AKAP9: variants seen among roughly 807,000 people sequenced by gnomAD.
AKAP9 encodes the protein A-kinase anchoring protein 9.
A neutral mutation model predicts 488.5 loss-of-function variants in AKAP9; 311 were observed. The ratio of observed to expected loss-of-function variants is 0.64; its 90% CI spans 0.58 to 0.70. The LOEUF is 0.70. AKAP9 is among the 30% of genes least tolerant of loss of function. The pLI, the probability that AKAP9 is intolerant of heterozygous loss-of-function variation, is 0.00. For missense variants in AKAP9, 4,215 were observed against 4,374.5 expected (o/e 0.96, Z 1.03); for synonymous variants, 1,462 against 1,483.5 (o/e 0.99, Z 0.33).
intron 14 of AKAP9, among the ~76,000 whole-genome samples, chr7:92,026,099 GA>G (rs1043989297): frequency 6.6e-6 from 1 of 152,058 alleles, no homozygotes; most frequent in African/African-American, 2.4e-5. Context: ...AAGCAGAGGG[GA>G]AAAAACAAAG....
intron 1 of AKAP9, among the ~76,000 whole-genome samples, chr7:91,941,906 G>GTGTGTGTC (rs1450501119): frequency 6.6e-6 from 1 of 151,928 alleles, no homozygotes; most frequent in East Asian, 1.9e-4. Flanking sequence ...GTGTGTGTGT[G>GTGTGTGTC]TGTGTGAACG....
In AKAP9 at chr7:92,108,595, T is replaced by C; in HGVS notation, c.11648T>C (p.Leu3883Pro). 1.9e-6 allele frequency: 3 copies of C among 1,614,188 alleles called. No individual in the cohort carries two copies. The highest frequency in any genetic ancestry group is 2.5e-6 in the Non-Finnish European group (3 of 1,180,024). Residue 3883 changes from leucine to proline, a missense_variant, in exon 49 of 50, where the codon CTA becomes CCA. Leu to Pro is a moderately conservative substitution (Grantham distance 98, BLOSUM62 -3). Transcript: ENST00000356239. ...DRALTDYITR[L>P]EALQRRLGTI... ...GCCCTAACAGATTATATCACTCGGCTAGAGGCACTGCAAAGACGACTTGGA... is the reference window on the plus strand; with the variant it reads ...GCCCTAACAGATTATATCACTCGGCCAGAGGCACTGCAAAGACGACTTGGA...
intron 8 of AKAP9, among the ~76,000 whole-genome samples, chr7:92,005,002 AATTT>A (rs1289677899): frequency 6.6e-6 from 1 of 152,036 alleles, no homozygotes; most frequent in Non-Finnish European, 1.5e-5. Flanking sequence ...ATCAGTACCT[AATTT>A]ATTGAGAGTT....
At chr7:92,031,252 A>G (rs1804187201) in intron 15 of AKAP9, among the ~76,000 whole-genome samples, 1 of 152,192 alleles carries the variant, frequency 6.6e-6, no homozygotes, top group Non-Finnish European at 1.5e-5. Flanking sequence ...TTCCCACTCT[A>G]GAACTGTATG....
chr7:92,017,749 T>C (rs1203833477), intron 12 of AKAP9, among the ~76,000 whole-genome samples: 33 of 152,196 alleles, frequency 2.2e-4, no homozygotes, highest in Admixed American at 2.2e-3. Flanking sequence ...ATAATGTTGA[T>C]GATTTATGTT....
At chr7:92,098,512 C>G (rs1817016114) in intron 43 of AKAP9, among the ~76,000 whole-genome samples, 1 of 152,132 alleles carries the variant, frequency 6.6e-6, no homozygotes, top group Non-Finnish European at 1.5e-5. Context: ...CATGAAACAC[C>G]CTTAGACTCC....
rs564415219 is a variant in AKAP9, at chr7:92,078,863, G to A, written c.6946-216G>A. Among the ~76,000 whole-genome samples, 5 of 152,150 alleles carry A rather than the reference G, an allele frequency of 3.3e-5. No individual in the cohort carries two copies. The South Asian group carries it at 8.3e-4, about 25-fold the overall frequency. ...CCTAATAGGGAATCAGCAACTAAAA[G>A]CTTATATTACTTTATACTTAACAGA... On this transcript the variant is annotated intron_variant, in intron 30 of 49. Transcript: ENST00000356239.
Position 92,110,237 on chromosome 7 carries a change from A to G in AKAP9, c.*78A>G, listed in dbSNP as rs1220095095. The G allele has an allele frequency of 8.6e-7, 1 of 1,156,844 alleles. No individual in the cohort carries two copies. Among genetic ancestry groups the G allele is most frequent in the African/African-American group, 1.5e-5 (1 of 65,986 alleles). The allele number at this position is 1,156,844 out of a possible 1,614,324, so 71.7% of individuals were successfully genotyped here. A position where few individuals can be genotyped will look rare whatever the true frequency, so the allele number is the denominator to read the frequency against. ...ATCAATGGTTCTTTTGTGCTTTTGT[A>G]TTGTGAATATTCAATGGGACCAATA... On this transcript the variant is annotated 3_prime_UTR_variant, in exon 50 of 50. Transcript: ENST00000356239.
At chr7:92,051,148 A>G (rs899888914) in intron 21 of AKAP9, among the ~76,000 whole-genome samples, 2 of 152,180 alleles carry the variant, frequency 1.3e-5, no homozygotes, top group Admixed American at 1.3e-4. Flanking sequence ...AATCCAGCTT[A>G]CTTTCCAGCT....
At position 92,008,412 on chromosome 7, in the gene AKAP9, G is replaced by T. The variant is rs570684924; in HGVS notation, c.3319-4017G>T. On this transcript the variant is annotated intron_variant, in intron 8 of 49. Transcript: ENST00000356239. The stretch of plus-strand genomic sequence containing the variant: ...GACTTTCAAGAATATGGGCCAGCGG[G>T]CGTGGTGGCTCATGCCTGTAATCCC... Among the ~76,000 whole-genome samples, 6 of 149,946 alleles carry T rather than the reference G, an allele frequency of 4.0e-5. No homozygotes were observed. In the South Asian group the frequency reaches 1.3e-3, roughly 32 times the overall value.
Position 92,095,178 on chromosome 7 carries a change from TG to T in AKAP9, c.9729+6del. On this transcript the variant is annotated splice_donor_region_variant and intron_variant, in intron 40 of 49. Transcript: ENST00000356239. ...CGGGATAAAGAAGAACTTGAGGTAC[TG>T]TTATCTTTGTCTTTAAATGTCTGGA... 6.2e-7 allele frequency: 1 copy of T among 1,614,156 alleles called. No individual in the cohort carries two copies. Among genetic ancestry groups the T allele is most frequent in the Non-Finnish European group, 8.5e-7 (1 of 1,180,012 alleles).
intron 17 of AKAP9, 62 bp from the exon 18 acceptor site, chr7:92,040,612 G>T: frequency 8.2e-7 from 1 of 1,220,640 alleles, no homozygotes; most frequent in South Asian, 1.4e-5. Flanking sequence ...TATTAATGCT[G>T]ACAGATTTTT....
At chr7:92,067,650 C>A (rs1173296008) in intron 26 of AKAP9, among the ~76,000 whole-genome samples, 1 of 152,158 alleles carries the variant, frequency 6.6e-6, no homozygotes, top group African/African-American at 2.4e-5. Flanking sequence ...GAAACATAGT[C>A]AAAACTCCAC....
At position 92,031,568 on chromosome 7, in the gene AKAP9, A is replaced by C; in HGVS notation, c.4302A>C (p.Lys1434Asn). ...CAAATATCGTTAAGTTGCTTGAAAAACAATACCAAGAACAATTAGAAGAAG... is the reference window on the plus strand; with the variant it reads ...CAAATATCGTTAAGTTGCTTGAAAACCAATACCAAGAACAATTAGAAGAAG... ...EETNIVKLLE[K>N]QYQEQLEEEV... Residue 1434 changes from lysine (K) to asparagine (N), a missense_variant, in exon 16 of 50, where the codon AAA becomes AAC. By Grantham distance (94) the Lys-to-Asn change is moderately conservative. Transcript: ENST00000356239. 14 of 1,612,520 alleles carry C rather than the reference A, an allele frequency of 8.7e-6. No individual in the cohort carries two copies. The highest frequency in any genetic ancestry group is 1.2e-5 in the Non-Finnish European group (14 of 1,178,918).
intron 28 of AKAP9, among the ~76,000 whole-genome samples, chr7:92,074,104 T>A (rs1229989245): frequency 1.3e-5 from 2 of 151,914 alleles, no homozygotes; most frequent in Admixed American, 6.6e-5. Flanking sequence ...TGGGAGAAAA[T>A]TTTTGCAATC....
At position 92,093,433 on chromosome 7, in the gene AKAP9, T is replaced by G. The variant is rs1041968470; in HGVS notation, c.9578+117T>G. Reference sequence around the variant, plus strand: ...ATGATATTTAAATAGCATGCAACTGTTTTTTTTAGGAAAAACTATAATAGA... The same window carrying G: ...ATGATATTTAAATAGCATGCAACTGGTTTTTTTAGGAAAAACTATAATAGA... On this transcript the variant is annotated intron_variant, in intron 39 of 49. Transcript: ENST00000356239. 85 of 874,972 alleles carry G rather than the reference T, an allele frequency of 9.7e-5. 1 individual carries two copies. In the East Asian group the frequency reaches 2.2e-3, roughly 23 times the overall value. The allele number at this position is 874,972 out of a possible 1,614,324, so 54.2% of individuals were successfully genotyped here.
In AKAP9 at chr7:91,980,495, C is replaced by CTTTTTTTTTTTTT. The variant is rs60385804; in HGVS notation, c.351+173_351+185dup. Among the ~76,000 whole-genome samples the CTTTTTTTTTTTTT allele has an allele frequency of 8.2e-5, 4 of 48,768 alleles. 1 individual carries two copies. The highest frequency in any genetic ancestry group is 9.9e-5 in the Non-Finnish European group (3 of 30,218). The allele number at this position is 48,768 out of a possible 152,430, so 32.0% of individuals were successfully genotyped here. A position where few individuals can be genotyped will look rare whatever the true frequency, so the allele number is the denominator to read the frequency against. ...GAACCTGAGGATTATGTATTACTGACTTTTTTTTTTTTTTTTTTTTTTTCA... is the reference window on the plus strand; with the variant it reads ...GAACCTGAGGATTATGTATTACTGACTTTTTTTTTTTTTTTTTTTTTTTTTTTTTTTTTTTTCA... On this transcript the variant is annotated intron_variant, in intron 3 of 49. Transcript: ENST00000356239.
Position 92,102,162 on chromosome 7 carries a change from T to TAAA in AKAP9, c.11098-432_11098-431insAAA, listed in dbSNP as rs1563150363. On this transcript the variant is annotated intron_variant, in intron 45 of 49. Transcript: ENST00000356239. ...CAGAGTGAGACTCCGTCTCATAAAT[T>TAAA]TAAAAAAAAAATAAATAAATAAATA... Among the ~76,000 whole-genome samples the TAAA allele has an allele frequency of 7.9e-3, 1,019 of 129,684 alleles. 5 individuals are homozygous for TAAA. The highest frequency in any genetic ancestry group is 0.013 in the South Asian group (55 of 4,156). The allele number at this position is 129,684 out of a possible 152,430, so 85.1% of individuals were successfully genotyped here.
intron 1 of AKAP9, among the ~76,000 whole-genome samples, chr7:91,961,760 C>T (rs547317784): frequency 5.9e-5 from 9 of 151,692 alleles, no homozygotes; most frequent in Non-Finnish European, 8.8e-5. Context: ...AGGAGAATGG[C>T]GTGAACTGGG....
Sources: allele counts gnomAD v4.1 joint callset (sites outside exome capture counted in the v4.1 genomes callset), GRCh38; gene constraint gnomAD v4.1.1; transcripts MANE v1.5; gene names NCBI Gene and HGNC (gene_info 2026-07-23, HGNC 2026-07-21).